Variants in LMAN1L observed in about 807,000 individuals in gnomAD.
LMAN1L encodes protein ERGIC-53-like.
LMAN1L carries 60 observed loss-of-function variants against 58.3 expected under a neutral mutation model. The ratio of observed to expected loss-of-function variants is 1.03; its 90% CI spans 0.84 to 1.27. The LOEUF (loss-of-function observed/expected upper bound fraction) is 1.27. LMAN1L is among the 50% of genes most tolerant of loss of function. The pLI is 0.00. For missense variants in LMAN1L, 629 were observed against 674.0 expected, an observed-to-expected ratio of 0.93 and a Z score of 0.74; for synonymous variants, 280 against 271.6, an observed-to-expected ratio of 1.03 and a Z score of -0.31.
Position 74,812,846 on chromosome 15 carries a change from G to C in LMAN1L, c.-9G>C. On this transcript the variant is annotated 5_prime_UTR_variant, in exon 1 of 14. Coordinates refer to ENST00000309664, the MANE Select transcript of LMAN1L (RefSeq NM_021819.3). Reference sequence around the variant, plus strand: ...CTACCCCGGGGCCCAGACTTCAGGCGCCTTCACGATGCCGGCGGTCAGTGG... The same window carrying C: ...CTACCCCGGGGCCCAGACTTCAGGCCCCTTCACGATGCCGGCGGTCAGTGG... 3 of 1,586,134 alleles carry C rather than the reference G, an allele frequency of 1.9e-6. No individual in the cohort carries two copies. The South Asian group carries it at 3.4e-5, about 18-fold the overall frequency.
In LMAN1L at chr15:74,820,786, G is replaced by C; in HGVS notation, c.907+19G>C. 1 of 1,601,036 alleles carries C rather than the reference G, an allele frequency of 6.2e-7. No individual in the cohort carries two copies. Among genetic ancestry groups the C allele is most frequent in the Non-Finnish European group, 8.5e-7 (1 of 1,173,128 alleles). On this transcript the variant is annotated intron_variant, in intron 8 of 13. Transcript: ENST00000309664. The stretch of plus-strand genomic sequence containing the variant: ...GGAGAAGGTAGGGACCGAGAGAGCG[G>C]GCAGGTGGCGCCCATCTGAGTGTCA...
chr15:74,818,616 C>A, intron 4 of LMAN1L, 102 bp from the exon 5 acceptor site: 1 of 834,388 alleles, frequency 1.2e-6, no homozygotes, highest in Non-Finnish European at 2.0e-6. Context: ...ATCACTTGAG[C>A]CCAGCAGGCA....
In LMAN1L at chr15:74,812,929, G is replaced by A. The variant is rs770469327; in HGVS notation, c.75G>A (p.Thr25=). ...LLLLDPHSPE[T]GCPPLRRFEY... ...TCCTGGACCCCCACAGCCCTGAGACGGGGTGTCCTCCTCTACGCAGGTTTG... is the reference window on the plus strand; with the variant it reads ...TCCTGGACCCCCACAGCCCTGAGACAGGGTGTCCTCCTCTACGCAGGTTTG... The change falls in exon 1 of 14, where the codon ACG becomes ACA. Residue 25 remains threonine (T), a synonymous_variant. Transcript: ENST00000309664. 8.7e-6 allele frequency: 14 copies of A among 1,613,876 alleles called. No homozygotes were observed. The highest frequency in any genetic ancestry group is 3.3e-5 in the Admixed American group (2 of 59,986).
intron 1 of LMAN1L, among the ~76,000 whole-genome samples, chr15:74,815,617 C>T (rs147406691): frequency 1.3e-5 from 2 of 152,320 alleles, no homozygotes; most frequent in African/African-American, 4.8e-5. Context: ...AGGTCCTGTC[C>T]ACCAGGAAGC....
At chr15:74,814,379 T>TTTG (rs2063880610) in intron 1 of LMAN1L, among the ~76,000 whole-genome samples, 1 of 114,398 alleles carries the variant, frequency 8.7e-6, no homozygotes. Flanking sequence ...TTTGTTTTTG[T>TTTG]TTTTTTTTTT....
intron 9 of LMAN1L, 36 bp downstream of exon 9, chr15:74,821,262 C>T (rs529883525): frequency 3.9e-6 from 6 of 1,543,466 alleles, no homozygotes; most frequent in South Asian, 2.4e-5. Context: ...GCTCCACCTG[C>T]GGGCCTGAAA....
At chr15:74,825,410 T>C in intron 13 of LMAN1L, 66 bp from the exon 14 acceptor site, 1 of 1,539,382 alleles carries the variant, frequency 6.5e-7, no homozygotes, top group South Asian at 1.2e-5. Context: ...AGCATGAGAG[T>C]CCTGGTTTTT....
intron 11 of LMAN1L, among the ~76,000 whole-genome samples, chr15:74,823,214 G>A (rs1768612778): frequency 6.6e-6 from 1 of 152,174 alleles, no homozygotes; most frequent in African/African-American, 2.4e-5. Flanking sequence ...GAAGCCTAAA[G>A]CCCCACCTGT....
At chr15:74,818,014 GAA>G (rs368241559) in intron 4 of LMAN1L, among the ~76,000 whole-genome samples, 4 of 127,024 alleles carry the variant, frequency 3.1e-5, no homozygotes, top group African/African-American at 3.0e-5. Flanking sequence ...CTCCGTCTCA[GAA>G]AAAAAAAAAA....
At chr15:74,819,328 T>A (rs2063906843) in intron 6 of LMAN1L, 56 bp downstream of exon 6, 6 of 1,589,486 alleles carry the variant, frequency 3.8e-6, no homozygotes, top group Non-Finnish European at 5.1e-6. Context: ...TAAATCACCC[T>A]CAGCACACCT....
intron 13 of LMAN1L, chr15:74,824,944 A>T (rs1216750218): frequency 6.3e-6 from 1 of 158,932 alleles, no homozygotes; most frequent in Non-Finnish European, 1.4e-5. Context: ...AATATTTTAG[A>T]GAAAAAGTGG....
chr15:74,818,376 T>C (rs146575949), intron 4 of LMAN1L, among the ~76,000 whole-genome samples: 1,646 of 152,124 alleles, frequency 0.011, 36 homozygotes, highest in African/African-American at 0.039. Flanking sequence ...AGGCCTTGAG[T>C]CCTGTATATC....
chr15:74,824,990 G>A (rs2063934657), intron 13 of LMAN1L: 2 of 158,974 alleles, frequency 1.3e-5, no homozygotes, highest in African/African-American at 4.8e-5. Flanking sequence ...GGCAGGACGA[G>A]TTTGTGAAAT....
rs749864505 is a variant in LMAN1L at position 74,820,030 on chromosome 15, C to T, written c.719-14C>T. On this transcript the variant is annotated splice_polypyrimidine_tract_variant and intron_variant, in intron 6 of 13. Transcript: ENST00000309664. ...TGGAGGGGTCTTACTTCTCCTTCAT[C>T]TGTCCCCTTCCAGATGATCATGATG... 2 of 1,613,180 alleles carry T rather than the reference C, an allele frequency of 1.2e-6. No homozygotes were observed. Among genetic ancestry groups the T allele is most frequent in the Non-Finnish European group, 1.7e-6 (2 of 1,179,116 alleles).
chr15:74,824,870 T>C (rs1256390053), intron 13 of LMAN1L: 1 of 168,918 alleles, frequency 5.9e-6, no homozygotes, highest in African/African-American at 2.4e-5. Flanking sequence ...CCTGACAAGA[T>C]AGGTAAAGGC....
At chr15:74,821,970 G>T in intron 10 of LMAN1L, 70 bp downstream of exon 10, 2 of 1,090,814 alleles carry the variant, frequency 1.8e-6, no homozygotes, top group Admixed American at 3.6e-5. Context: ...GAGAACCAGG[G>T]CAGAGAGGAC....
At chr15:74,825,173 T>C (rs1433627570) in intron 13 of LMAN1L, 1 of 226,512 alleles carries the variant, frequency 4.4e-6, no homozygotes, top group Non-Finnish European at 8.8e-6. Flanking sequence ...TGGGCTGGGA[T>C]GGTCCTGGAG....
Position 74,824,401 on chromosome 15 carries a change from C to T in LMAN1L, c.1374C>T (p.Ser458=), listed in dbSNP as rs749131580. Residue 458 remains serine (S), a synonymous_variant, in exon 13 of 14, where the codon TCC becomes TCT. Transcript: ENST00000309664. The part of the protein sequence containing the change: ...PRPPGQPPRA[S]SCLQPGIFLF... ...CACCTGGCCAGCCCCCAAGGGCCTC[C>T]TCGTGCCTGCAGCCTGGCATCTTCC... is the stretch of plus-strand genomic sequence containing the variant. 31 of 1,613,946 alleles carry T rather than the reference C, an allele frequency of 1.9e-5. No homozygotes were observed. In the South Asian group the frequency reaches 3.3e-4, roughly 17 times the overall value.
chr15:74,816,638 C>T lies in LMAN1L; in HGVS notation c.445C>T (p.Pro149Ser). ...GCTTCTCACCTCCCTGCAGGACAGT[C>T]CTGCCATCCGTGTGCTGGCCAGCGA... ...DSPAEDTQDS[P>S]AIRVLASDGH... Residue 149 changes from proline (P) to serine (S), a missense_variant, in exon 4 of 14, where the codon CCT (proline) becomes TCT (serine). By Grantham distance (74) the Pro-to-Ser change is moderately conservative. Coordinates refer to ENST00000309664, the MANE Select transcript of LMAN1L (RefSeq NM_021819.3). 1 of 1,613,810 alleles carries T rather than the reference C, an allele frequency of 6.2e-7. No homozygotes were observed. Among genetic ancestry groups the T allele is most frequent in the African/African-American group, 1.3e-5 (1 of 75,028 alleles).
Sources: gnomAD v4.1 joint callset for allele counts (sites outside exome capture counted in the v4.1 genomes callset) on GRCh38, gnomAD v4.1.1 for gene constraint, MANE v1.5 for transcripts, NCBI Gene and HGNC (gene_info 2026-07-23, HGNC 2026-07-21) for gene names.